TGFBR3: variants seen among roughly 807,000 people sequenced by gnomAD.
TGFBR3 encodes the protein transforming growth factor beta receptor 3, also known as transforming growth factor beta receptor type 3.
TGFBR3 carries 46 observed loss-of-function variants against 87.9 expected under a neutral mutation model. The observed-to-expected ratio is 0.52, with a 90% CI of 0.41 to 0.67. The LOEUF (loss-of-function observed/expected upper bound fraction) is 0.67, where lower values mean the gene tolerates loss of function less well. Ranked by LOEUF, TGFBR3 falls within the 30% of genes least tolerant of loss-of-function variation. TGFBR3 has a pLI of 0.00. For missense variants in TGFBR3, 866 were observed against 1,041.9 expected (o/e 0.83, Z 2.32); for synonymous variants, 381 against 391.6 (o/e 0.97, Z 0.32).
intron 3 of TGFBR3, among the ~76,000 whole-genome samples, chr1:91,785,225 A>T (rs983072587): frequency 1.3e-5 from 2 of 152,260 alleles, no homozygotes; most frequent in African/African-American, 2.4e-5. Context: ...GAAGCTAGAC[A>T]CAAAAGATAC....
chr1:91,760,770 C>T (rs865996074), intron 3 of TGFBR3, among the ~76,000 whole-genome samples: 2 of 152,186 alleles, frequency 1.3e-5, no homozygotes, highest in Non-Finnish European at 2.9e-5. Flanking sequence ...CTCTACCTCA[C>T]AGCACACTTT....
chr1:91,858,008 G>A (rs940866923), intron 2 of TGFBR3, among the ~76,000 whole-genome samples: 10 of 152,134 alleles, frequency 6.6e-5, no homozygotes, highest in African/African-American at 2.4e-4. Context: ...GACTAAGTAG[G>A]TTTATAGTTC....
At chr1:91,713,674 T>G (rs1672066243) in intron 12 of TGFBR3, among the ~76,000 whole-genome samples, 1 of 152,316 alleles carries the variant, frequency 6.6e-6, no homozygotes, top group East Asian at 1.9e-4. Flanking sequence ...ACGTGGTGGT[T>G]AACTGCAGGA....
chr1:91,699,711 G>A (rs948757599), intron 14 of TGFBR3, among the ~76,000 whole-genome samples: 11 of 152,182 alleles, frequency 7.2e-5, no homozygotes, highest in African/African-American at 1.2e-4. Flanking sequence ...CTCTGATATC[G>A]TGTGACTAGA....
At chr1:91,850,195 T>C (rs1677672338) in intron 2 of TGFBR3, among the ~76,000 whole-genome samples, 1 of 151,634 alleles carries the variant, frequency 6.6e-6, no homozygotes, top group African/African-American at 2.4e-5. Flanking sequence ...GCAAAGTACC[T>C]GAATCTTAGG....
chr1:91,743,319 C>T (rs987203396), intron 4 of TGFBR3, among the ~76,000 whole-genome samples: 5 of 152,100 alleles, frequency 3.3e-5, no homozygotes, highest in African/African-American at 1.2e-4. Flanking sequence ...TCCTTGACCC[C>T]TACCCCAAAA....
At chr1:91,833,556 T>C (rs1305544344) in intron 2 of TGFBR3, among the ~76,000 whole-genome samples, 1 of 148,384 alleles carries the variant, frequency 6.7e-6, no homozygotes, top group Non-Finnish European at 1.5e-5. Context: ...TCATTTGAGA[T>C]CAGGGGTTCA....
At chr1:91,820,027 A>G (rs1676386650) in intron 2 of TGFBR3, among the ~76,000 whole-genome samples, 1 of 152,242 alleles carries the variant, frequency 6.6e-6, no homozygotes, top group South Asian at 2.1e-4. Context: ...GATTATTATA[A>G]GACTCAAATG....
chr1:91,811,392 G>A (rs970448901), intron 2 of TGFBR3, among the ~76,000 whole-genome samples: 1 of 152,096 alleles, frequency 6.6e-6, no homozygotes, highest in Non-Finnish European at 1.5e-5. Context: ...AATTTAAGAG[G>A]CCTGTAATAA....
intron 2 of TGFBR3, among the ~76,000 whole-genome samples, chr1:91,812,136 T>G (rs1289599460): frequency 6.6e-6 from 1 of 152,166 alleles, no homozygotes; most frequent in African/African-American, 2.4e-5. Flanking sequence ...TTGCATGCCA[T>G]TTCCTCCAAC....
chr1:91,700,295 C>T lies in TGFBR3; in HGVS notation c.2288-2165G>A, dbSNP rs528215637. ...ATTTTCATTCACCACAGAAGGAACA[C>T]ACACCTTATGTCTGAATTCACAGGG... On this transcript the variant is annotated intron_variant, in intron 14 of 16. Transcript: ENST00000212355. 1.4e-3 allele frequency among the ~76,000 whole-genome samples: 206 copies of T among 152,306 alleles called. No individual in the cohort carries two copies. The South Asian group carries it at 0.023, about 17-fold the overall frequency.
intron 3 of TGFBR3, among the ~76,000 whole-genome samples, chr1:91,762,272 A>G (rs557067283): frequency 6.6e-6 from 1 of 152,174 alleles, no homozygotes; most frequent in Non-Finnish European, 1.5e-5. Flanking sequence ...AAAAACATCC[A>G]TATCACACAA....
At chr1:91,777,532 A>AAGC (rs1414852374) in intron 3 of TGFBR3, among the ~76,000 whole-genome samples, 1 of 152,094 alleles carries the variant, frequency 6.6e-6, no homozygotes, top group African/African-American at 2.4e-5. Context: ...AGCACCAGGC[A>AAGC]AGCACACCTG....
At chr1:91,712,610 C>A in intron 12 of TGFBR3, 68 bp from the exon 13 acceptor site, 1 of 1,488,136 alleles carries the variant, frequency 6.7e-7, no homozygotes, top group East Asian at 2.3e-5. Flanking sequence ...GGCACAAGGA[C>A]CATATGCCAA....
chr1:91,726,438 C>G (rs151005742), intron 7 of TGFBR3, among the ~76,000 whole-genome samples: 44 of 151,786 alleles, frequency 2.9e-4, no homozygotes, highest in African/African-American at 1.1e-3. Context: ...ACATCTCTGA[C>G]TTCAGATCAT....
chr1:91,695,037 G>C (rs1671381920), intron 16 of TGFBR3, among the ~76,000 whole-genome samples: 1 of 151,932 alleles, frequency 6.6e-6, no homozygotes, highest in Admixed American at 6.6e-5. Context: ...CCTTGGGATT[G>C]GTAGGGAGGA....
At chr1:91,845,145 C>T (rs1571566674) in intron 2 of TGFBR3, among the ~76,000 whole-genome samples, 1 of 152,152 alleles carries the variant, frequency 6.6e-6, no homozygotes, top group African/African-American at 2.4e-5. Flanking sequence ...GGGGCCTTTC[C>T]TGAGTTCAGG....
chr1:91,903,027 TAA>T (rs57978972), intron 1 of TGFBR3, among the ~76,000 whole-genome samples: 1,352 of 134,052 alleles, frequency 0.01, 18 homozygotes, highest in African/African-American at 0.034. Flanking sequence ...GCACCTCACT[TAA>T]AAAAAAAAAA....
intron 12 of TGFBR3, among the ~76,000 whole-genome samples, chr1:91,713,693 A>C (rs1461362434): frequency 6.6e-6 from 1 of 152,230 alleles, no homozygotes; most frequent in Non-Finnish European, 1.5e-5. Context: ...GACACTCAAC[A>C]GTGAAAATGC....
Sources: gnomAD v4.1 joint callset for allele counts (sites outside exome capture counted in the v4.1 genomes callset) on GRCh38, gnomAD v4.1.1 for gene constraint, MANE v1.5 for transcripts, NCBI Gene and HGNC (gene_info 2026-07-23, HGNC 2026-07-21) for gene names.